The following CLIP4 variants were observed in gnomAD, a reference collection of about 807,000 sequenced individuals.
The protein encoded by CLIP4 is CAP-Gly domain-containing linker protein 4.
A neutral mutation model predicts 73.1 loss-of-function variants in CLIP4; 47 were observed. That is an observed-to-expected ratio of 0.64 (90% CI 0.51 to 0.82). CLIP4 has a LOEUF of 0.82. CLIP4 is among the 40% of genes least tolerant of loss of function. The pLI, the probability that CLIP4 is intolerant of heterozygous loss-of-function variation, is 0.00. For synonymous variants in CLIP4, 306 were observed against 295.4 expected (o/e 1.04, Z -0.37); for missense variants, 874 against 852.9 (o/e 1.02, Z -0.31).
At chr2:29,167,795 T>C (rs1667725144) in intron 14 of CLIP4, 1 of 320,764 alleles carries the variant, frequency 3.1e-6, no homozygotes, top group African/African-American at 2.1e-5. Context: ...TGGAGGAGTC[T>C]TGAATTGTAC....
At chr2:29,165,906 CT>C (rs1334780990) in intron 13 of CLIP4, among the ~76,000 whole-genome samples, 1 of 150,592 alleles carries the variant, frequency 6.6e-6, no homozygotes, top group East Asian at 2.0e-4. Flanking sequence ...ACGTTTTTTA[CT>C]TTTTTTTGAT....
intron 1 of CLIP4, among the ~76,000 whole-genome samples, chr2:29,100,766 A>T (rs1308837671): frequency 6.6e-6 from 1 of 151,768 alleles, no homozygotes; most frequent in African/African-American, 2.4e-5. Flanking sequence ...CAGAGGCAGG[A>T]ATGTTAGAGG....
intron 8 of CLIP4, among the ~76,000 whole-genome samples, chr2:29,152,353 C>T (rs1045765949): frequency 1.3e-5 from 2 of 151,318 alleles, no homozygotes; most frequent in Admixed American, 6.6e-5. Context: ...TCTTCAAATA[C>T]AATACAGACA....
At chr2:29,163,791 A>G (rs1667434892) in intron 12 of CLIP4, 40 bp from the exon 13 acceptor site, 1 of 1,572,122 alleles carries the variant, frequency 6.4e-7, no homozygotes, top group Non-Finnish European at 8.6e-7. Context: ...AGTTTTGGAT[A>G]AAGTACAGAT....
chr2:29,166,530 GACACACACACACACAC>G (rs55833657), intron 13 of CLIP4, among the ~76,000 whole-genome samples: 1 of 146,912 alleles, frequency 6.8e-6, no homozygotes, highest in Non-Finnish European at 1.5e-5. Context: ...TACACACACA[GACACACACACACACAC>G]ACACACACAC....
chr2:29,177,424 T>C (rs144357451), intron 15 of CLIP4, among the ~76,000 whole-genome samples: 6,012 of 123,098 alleles, frequency 0.049, 411 homozygotes, highest in African/African-American at 0.16. Flanking sequence ...AAAAAAAAAA[T>C]ACAAAAATTA....
rs996817512 is a variant in CLIP4, at chr2:29,183,147, T to A, written c.*1254T>A. 1.3e-5 allele frequency: 2 copies of A among 152,648 alleles called. No individual in the cohort carries two copies. The highest frequency in any genetic ancestry group is 4.8e-5 in the African/African-American group (2 of 41,460). The allele number at this position is 152,648 out of a possible 1,614,324, so 9.5% of individuals were successfully genotyped here. ...TGCATTGTGGTTAGGTATTGAAGTT[T>A]ATGTCCTGTCTGTGTAAAGATTCAT... On this transcript the variant is annotated 3_prime_UTR_variant, in exon 16 of 16. Transcript: ENST00000320081.
rs569317983 is a variant in CLIP4, at chr2:29,163,837, G to C, written c.1541G>C (p.Trp514Ser). The C allele has an allele frequency of 6.2e-6, 10 of 1,611,844 alleles. No homozygotes were observed. In the South Asian group the frequency reaches 1.1e-4, roughly 18 times the overall value. ...TGCAATATTCATGTTCTAGGATATT[G>C]GTATGGTATAGAGCTTGAAAAACCC... ...FGTTNFAPGY[W>S]YGIELEKPHG... is the part of the protein sequence containing the mutation. The change falls in exon 13 of 16, where the codon TGG (tryptophan) becomes TCG (serine). Residue 514 changes from tryptophan to serine, a missense_variant. Trp to Ser is a radical substitution (Grantham distance 177). Transcript: ENST00000320081.
intron 14 of CLIP4, among the ~76,000 whole-genome samples, chr2:29,171,498 A>T (rs1667998430): frequency 6.7e-6 from 1 of 150,018 alleles, no homozygotes; most frequent in Non-Finnish European, 1.5e-5. Flanking sequence ...GAATATTTCT[A>T]TATGGCATAT....
At chr2:29,145,428 T>C in intron 8 of CLIP4, 61 bp downstream of exon 8, 1 of 1,374,474 alleles carries the variant, frequency 7.3e-7, no homozygotes, top group Non-Finnish European at 1.0e-6. Context: ...TTTTACTCTT[T>C]TACAGTTGTT....
chr2:29,181,117 C>T (rs974521461), intron 15 of CLIP4, among the ~76,000 whole-genome samples: 1 of 152,050 alleles, frequency 6.6e-6, no homozygotes, highest in African/African-American at 2.4e-5. Flanking sequence ...ATAACATAAA[C>T]AGCTGATTAA....
chr2:29,161,972 T>C (rs145834713), intron 12 of CLIP4, among the ~76,000 whole-genome samples: 1 of 152,334 alleles, frequency 6.6e-6, no homozygotes. Context: ...AACTGCGTGA[T>C]TTGAGTTAGG....
chr2:29,130,585 A>G, intron 2 of CLIP4: 2 of 1,110,042 alleles, frequency 1.8e-6, no homozygotes, highest in Non-Finnish European at 2.2e-6. Context: ...CTCAGAGGCC[A>G]AGGTTTGTCT....
intron 14 of CLIP4, among the ~76,000 whole-genome samples, chr2:29,173,266 A>G (rs923599505): frequency 1.3e-5 from 2 of 152,220 alleles, no homozygotes; most frequent in Non-Finnish European, 2.9e-5. Context: ...CATGGTAACA[A>G]ATTCTGAGGG....
At chr2:29,134,105 A>G (rs537204165) in intron 5 of CLIP4, among the ~76,000 whole-genome samples, 2 of 152,276 alleles carry the variant, frequency 1.3e-5, no homozygotes, top group African/African-American at 2.4e-5. Flanking sequence ...TTGATTCTAC[A>G]TGGTTTATGA....
At chr2:29,174,982 A>G (rs1668240196) in intron 15 of CLIP4, among the ~76,000 whole-genome samples, 1 of 152,098 alleles carries the variant, frequency 6.6e-6, no homozygotes, top group Non-Finnish European at 1.5e-5. Flanking sequence ...GGTTTTCTGA[A>G]GCATTTTCAC....
At chr2:29,160,224 T>C (rs1326840637) in intron 11 of CLIP4, 109 bp from the exon 12 acceptor site, 2 of 1,351,668 alleles carry the variant, frequency 1.5e-6, no homozygotes, top group Non-Finnish European at 2.1e-6. Context: ...CTAGACTAGT[T>C]AGAATACCTA....
At chr2:29,123,615 G>A (rs1045606774) in intron 2 of CLIP4, among the ~76,000 whole-genome samples, 15 of 152,190 alleles carry the variant, frequency 9.9e-5, no homozygotes, top group Non-Finnish European at 2.1e-4. Context: ...TAAAGGCACA[G>A]TGTTGAGGGA....
chr2:29,138,438 T>A (rs1665525825), intron 6 of CLIP4, among the ~76,000 whole-genome samples: 1 of 152,102 alleles, frequency 6.6e-6, no homozygotes, highest in Admixed American at 6.6e-5. Context: ...GGTAATGTGA[T>A]GCCTCTGGCT....
Sources: allele counts gnomAD v4.1 joint callset (sites outside exome capture counted in the v4.1 genomes callset), GRCh38; gene constraint gnomAD v4.1.1; transcripts MANE v1.5; gene names NCBI Gene and HGNC (gene_info 2026-07-23, HGNC 2026-07-21).